SHISA9: variants seen among roughly 807,000 people sequenced by gnomAD.
The protein encoded by SHISA9 is shisa family member 9, also known as protein shisa-9.
A neutral mutation model predicts 38.0 loss-of-function variants in SHISA9; 13 were observed. That is an observed-to-expected ratio of 0.34 (90% CI 0.22 to 0.54). The LOEUF is 0.54. SHISA9 is among the 20% of genes least tolerant of loss of function. SHISA9 has a pLI of 0.91. For synonymous variants in SHISA9, 275 were observed against 242.0 expected, an observed-to-expected ratio of 1.14 and a Z score of -1.27; for missense variants, 538 against 575.8, an observed-to-expected ratio of 0.93 and a Z score of 0.67.
chr16:13,474,916 A>T, the SHISA9 span, among the ~76,000 whole-genome samples: 1 of 152,172 alleles, frequency 6.6e-6, no homozygotes, highest in South Asian at 2.1e-4. Context: ...AAAGGGGATG[A>T]AGCTGTAGGT....
chr16:13,472,376 A>ATTTTTTT, the SHISA9 span, among the ~76,000 whole-genome samples: 4 of 113,474 alleles, frequency 3.5e-5, no homozygotes, highest in African/African-American at 1.4e-4. Context: ...CGCTCTGCTA[A>ATTTTTTT]ATTTTTTTTT....
intron 2 of SHISA9, among the ~76,000 whole-genome samples, chr16:13,069,287 C>A (rs1484071623): frequency 6.7e-6 from 1 of 150,284 alleles, no homozygotes; most frequent in East Asian, 2.0e-4. Flanking sequence ...TGTGTACCTG[C>A]AATGTATGCG....
chr16:13,403,733 G>A, the SHISA9 span, among the ~76,000 whole-genome samples: 2 of 152,164 alleles, frequency 1.3e-5, no homozygotes, highest in African/African-American at 2.4e-5. Context: ...ACAGAGTGAC[G>A]CCTTTCTAAT....
At chr16:12,995,560 C>T (rs2072447874) in intron 2 of SHISA9, among the ~76,000 whole-genome samples, 2 of 152,136 alleles carry the variant, frequency 1.3e-5, no homozygotes, top group South Asian at 4.1e-4. Flanking sequence ...ATGAGGGTGT[C>T]TTTTGAATGT....
chr16:13,381,031 G>A, the SHISA9 span, among the ~76,000 whole-genome samples: 4 of 152,148 alleles, frequency 2.6e-5, no homozygotes, highest in African/African-American at 9.6e-5. Context: ...AGTATTCCAT[G>A]GTGTATATGT....
chr16:13,383,351 A>G, the SHISA9 span, among the ~76,000 whole-genome samples: 1 of 152,356 alleles, frequency 6.6e-6, no homozygotes, highest in African/African-American at 2.4e-5. Flanking sequence ...TAATATGCAG[A>G]TACTTAAAAA....
chr16:13,180,947 G>A (rs1276587885), intron 2 of SHISA9, among the ~76,000 whole-genome samples: 24 of 152,008 alleles, frequency 1.6e-4, no homozygotes, highest in Admixed American at 1.5e-3. Flanking sequence ...TGCACTCAGT[G>A]TTAATTCACT....
intron 2 of SHISA9, among the ~76,000 whole-genome samples, chr16:13,027,938 A>AC (rs1231615897): frequency 2.0e-5 from 3 of 150,858 alleles, no homozygotes; most frequent in Admixed American, 6.6e-5. Context: ...AAAAACAAAA[A>AC]AAAAAAAAAA....
At chr16:13,035,014 C>G (rs1387077594) in intron 2 of SHISA9, among the ~76,000 whole-genome samples, 1 of 152,080 alleles carries the variant, frequency 6.6e-6, no homozygotes, top group African/African-American at 2.4e-5. Flanking sequence ...GAAAAAAAAG[C>G]TATTGTGTTT....
At chr16:13,137,661 G>C (rs1406593807) in intron 2 of SHISA9, among the ~76,000 whole-genome samples, 1 of 151,968 alleles carries the variant, frequency 6.6e-6, no homozygotes, top group Non-Finnish European at 1.5e-5. Flanking sequence ...TCACCATGTT[G>C]GCCAGGATGG....
chr16:13,145,391 G>T (rs1242287797), intron 2 of SHISA9, among the ~76,000 whole-genome samples: 1 of 152,306 alleles, frequency 6.6e-6, no homozygotes, highest in African/African-American at 2.4e-5. Context: ...GCCAGGTGTG[G>T]TGGTAGGCAC....
chr16:13,356,510 CGAAA>C, the SHISA9 span, among the ~76,000 whole-genome samples: 1 of 151,960 alleles, frequency 6.6e-6, no homozygotes, highest in African/African-American at 2.4e-5. Context: ...AGTCACGGAA[CGAAA>C]CGGTAAGCCA....
chr16:12,951,855 C>T (rs2071761868), intron 2 of SHISA9, among the ~76,000 whole-genome samples: 1 of 152,168 alleles, frequency 6.6e-6, no homozygotes, highest in East Asian at 1.9e-4. Context: ...GAGTATGAAA[C>T]ACTCCTGCCT....
At chr16:12,983,570 G>C (rs985963100) in intron 2 of SHISA9, among the ~76,000 whole-genome samples, 7 of 152,128 alleles carry the variant, frequency 4.6e-5, no homozygotes, top group African/African-American at 1.7e-4. Context: ...CTCACTGCAA[G>C]CTCTGCCTCT....
At chr16:13,364,258 C>G in the SHISA9 span, among the ~76,000 whole-genome samples, 1 of 152,130 alleles carries the variant, frequency 6.6e-6, no homozygotes, top group Non-Finnish European at 1.5e-5. Context: ...ATGAAATAGA[C>G]CAGAATCTGG....
chr16:13,120,246 AT>A, intron 2 of SHISA9, among the ~76,000 whole-genome samples: 1 of 152,266 alleles, frequency 6.6e-6, no homozygotes, highest in East Asian at 1.9e-4. Context: ...CAGGAACCCC[AT>A]GGGGCTGTTG....
intron 2 of SHISA9, among the ~76,000 whole-genome samples, chr16:13,080,399 C>G (rs2073635076): frequency 2.0e-5 from 3 of 152,064 alleles, no homozygotes; most frequent in Admixed American, 2.0e-4. Flanking sequence ...AAGTAAAAAA[C>G]ACCACCACTT....
the SHISA9 span, among the ~76,000 whole-genome samples, chr16:13,318,359 G>T: frequency 6.6e-6 from 1 of 151,470 alleles, no homozygotes; most frequent in Non-Finnish European, 1.5e-5. Flanking sequence ...GTCTCGCTCT[G>T]TTGCCCAGGC....
At chr16:13,231,337 CAT>C (rs2051329747) in intron 4 of SHISA9, among the ~76,000 whole-genome samples, 1 of 152,172 alleles carries the variant, frequency 6.6e-6, no homozygotes, top group South Asian at 2.1e-4. Context: ...GAGGTAATGA[CAT>C]ATAAATTTTG....
Sources: gnomAD v4.1 joint callset for allele counts (sites outside exome capture counted in the v4.1 genomes callset) on GRCh38, gnomAD v4.1.1 for gene constraint, MANE v1.5 for transcripts, NCBI Gene and HGNC (gene_info 2026-07-23, HGNC 2026-07-21) for gene names.